The following NCAPD2 variants were observed in gnomAD, a reference collection of about 807,000 sequenced individuals.
NCAPD2 encodes non-SMC condensin I complex subunit D2, also known as condensin complex subunit 1.
In NCAPD2, 100 loss-of-function variants were observed where a neutral mutation model predicts 164.5. That is an observed-to-expected ratio of 0.61 (90% CI 0.52 to 0.72). The LOEUF is 0.72. NCAPD2 is among the 30% of genes least tolerant of loss of function. The pLI, the probability that NCAPD2 is intolerant of heterozygous loss-of-function variation, is 0.00. For missense variants in NCAPD2, 1,560 were observed against 1,749.2 expected (o/e 0.89, Z 1.93); for synonymous variants, 585 against 642.6 (o/e 0.91, Z 1.36).
At chr12:6,516,344 A>G (rs181169192) in intron 9 of NCAPD2, among the ~76,000 whole-genome samples, 17 of 151,416 alleles carry the variant, frequency 1.1e-4, no homozygotes, top group Non-Finnish European at 2.1e-4. Context: ...TCTACTAAAA[A>G]TACAAAAATT....
chr12:6,520,490 C>T (rs1946254551), intron 13 of NCAPD2, among the ~76,000 whole-genome samples: 1 of 151,874 alleles, frequency 6.6e-6, no homozygotes, highest in African/African-American at 2.4e-5. Context: ...ACCATCACAC[C>T]CGGCTAACTT....
At chr12:6,527,087 C>G (rs778853571) in intron 22 of NCAPD2, 24 bp downstream of exon 22, 6 of 1,582,820 alleles carry the variant, frequency 3.8e-6, no homozygotes, top group African/African-American at 1.3e-5. Flanking sequence ...CTCAGCACTT[C>G]CCAGATTTAT....
intron 2 of NCAPD2, among the ~76,000 whole-genome samples, chr12:6,496,385 C>G (rs1248820813): frequency 6.6e-6 from 1 of 152,006 alleles, no homozygotes; most frequent in Non-Finnish European, 1.5e-5. Flanking sequence ...CCTCTAATGT[C>G]CAGAAGTGGA....
rs1226297832 is a variant in NCAPD2 at position 6,517,593 on chromosome 12, T to C, written c.1321-3T>C. 6.2e-7 allele frequency: 1 copy of C among 1,614,248 alleles called. No individual in the cohort carries two copies. The highest frequency in any genetic ancestry group is 8.5e-7 in the Non-Finnish European group (1 of 1,180,050). ...TGACCCTGCTATTCATTTTACCTGATAGCTTAGTGATGCTGACCTTGCCGG... is the reference window on the plus strand; with the variant it reads ...TGACCCTGCTATTCATTTTACCTGACAGCTTAGTGATGCTGACCTTGCCGG... On this transcript the variant is annotated splice_polypyrimidine_tract_variant and splice_region_variant and intron_variant, in intron 11 of 31. Transcript: ENST00000315579.
chr12:6,517,366 C>T lies in NCAPD2; in HGVS notation c.1187C>T (p.Ala396Val), dbSNP rs756233720. The change falls in exon 11 of 32, where the codon GCT becomes GTT. Residue 396 changes from alanine (A) to valine (V), a missense_variant and splice_region_variant. By Grantham distance (64) the Ala-to-Val change is moderately conservative. Transcript: ENST00000315579. ...QLFTRIVQQK[A>V]LPLTRFQAVV... Reference sequence around the variant, plus strand: ...TTCTTCTCTTCCTACCCTACACAGGCTCTCCCCCTGACACGTTTCCAGGCA... The same window carrying T: ...TTCTTCTCTTCCTACCCTACACAGGTTCTCCCCCTGACACGTTTCCAGGCA... 3 of 1,613,888 alleles carry T rather than the reference C, an allele frequency of 1.9e-6. No individual in the cohort carries two copies. In the South Asian group the frequency reaches 3.3e-5, roughly 18 times the overall value.
chr12:6,526,193 G>A lies in NCAPD2; in HGVS notation c.2474G>A (p.Arg825Lys). 1.2e-6 allele frequency: 2 copies of A among 1,614,226 alleles called. No individual in the cohort carries two copies. Among genetic ancestry groups the A allele is most frequent in the South Asian group, 1.1e-5 (1 of 91,090 alleles). Residue 825 changes from arginine (R) to lysine (K), a missense_variant, in exon 19 of 32, where the codon AGG becomes AAG. Arg to Lys is a conservative substitution (Grantham distance 26). Coordinates refer to ENST00000315579, the MANE Select transcript of NCAPD2 (RefSeq NM_014865.4). ...CATGCCATTGCCAACATCTCGGACA[G>A]GAGAAAGGTATGTGGGGGTGGTTCC... is the stretch of plus-strand genomic sequence containing the variant. ...VCHAIANISD[R>K]RKPSLGKRHP...
In NCAPD2 at chr12:6,529,851, C is replaced by T. The variant is rs963949265; in HGVS notation, c.3730C>T (p.Leu1244Phe). The change falls in exon 29 of 32, where the codon CTT (leucine) becomes TTT (phenylalanine). Residue 1244 changes from leucine to phenylalanine, a missense_variant. Coordinates refer to ENST00000315579, the MANE Select transcript of NCAPD2 (RefSeq NM_014865.4). The stretch of plus-strand genomic sequence containing the variant: ...CACAGAGCGAGGCCTCCGTAAGATG[C>T]TTGACAATTTTGACTGTTTTGGAGA... ...PLTERGLRKM[L>F]DNFDCFGDKL... 1.2e-6 allele frequency: 2 copies of T among 1,614,142 alleles called. No homozygotes were observed. Among genetic ancestry groups the T allele is most frequent in the Non-Finnish European group, 1.7e-6 (2 of 1,180,056 alleles).
intron 2 of NCAPD2, among the ~76,000 whole-genome samples, chr12:6,502,860 T>C (rs569596157): frequency 6.6e-6 from 1 of 151,586 alleles, no homozygotes; most frequent in South Asian, 2.1e-4. Flanking sequence ...TTGTTGTTGC[T>C]TTTTTTTTGA....
At chr12:6,508,227 C>T (rs549575547) in intron 2 of NCAPD2, among the ~76,000 whole-genome samples, 14 of 152,050 alleles carry the variant, frequency 9.2e-5, no homozygotes, top group African/African-American at 3.4e-4. Flanking sequence ...GAGGCTGAGG[C>T]AGTAGGGAGT....
At chr12:6,513,715 C>CTTTTTTTTGTTTTTTTTTTTTTTT (rs1946172130) in intron 6 of NCAPD2, among the ~76,000 whole-genome samples, 1 of 74,892 alleles carries the variant, frequency 1.3e-5, no homozygotes, top group Non-Finnish European at 2.5e-5. Flanking sequence ...GTGACTTTGT[C>CTTTTTTTTGTTTTTTTTTTTTTTT]TTTTTTTTTT....
chr12:6,498,973 G>A (rs1946009196), intron 2 of NCAPD2, among the ~76,000 whole-genome samples: 1 of 151,976 alleles, frequency 6.6e-6, no homozygotes, highest in South Asian at 2.1e-4. Context: ...TGCACTTTGG[G>A]GCCATTATTA....
intron 2 of NCAPD2, among the ~76,000 whole-genome samples, chr12:6,508,544 T>C (rs909594981): frequency 6.6e-6 from 1 of 152,140 alleles, no homozygotes; most frequent in Non-Finnish European, 1.5e-5. Context: ...ATCGTTACAA[T>C]AGCATTCCCA....
intron 13 of NCAPD2, among the ~76,000 whole-genome samples, chr12:6,519,111 C>T (rs1018840622): frequency 2.0e-5 from 3 of 151,884 alleles, no homozygotes; most frequent in South Asian, 4.2e-4. Flanking sequence ...AGGATGGTCT[C>T]AATCTCCTGA....
intron 14 of NCAPD2, 44 bp from the exon 15 acceptor site, chr12:6,521,754 T>TA: frequency 6.2e-7 from 1 of 1,601,416 alleles, no homozygotes; most frequent in East Asian, 2.2e-5. Flanking sequence ...GATTCCCCTG[T>TA]ATCCCCTTGA....
At chr12:6,501,227 A>AATT (rs1946032082) in intron 2 of NCAPD2, among the ~76,000 whole-genome samples, 1 of 69,174 alleles carries the variant, frequency 1.4e-5, no homozygotes, top group Non-Finnish European at 2.4e-5. Flanking sequence ...CGCCTGGCTA[A>AATT]TTTTTTTTTT....
At chr12:6,500,534 G>A (rs896372495) in intron 2 of NCAPD2, among the ~76,000 whole-genome samples, 4 of 152,176 alleles carry the variant, frequency 2.6e-5, no homozygotes, top group Non-Finnish European at 5.9e-5. Context: ...CTAGAATCTT[G>A]CTCCTCAAAA....
intron 2 of NCAPD2, among the ~76,000 whole-genome samples, chr12:6,500,039 C>T (rs763059671): frequency 1.3e-5 from 2 of 152,080 alleles, no homozygotes; most frequent in Non-Finnish European, 2.9e-5. Flanking sequence ...GGGAGAATTG[C>T]TTGAGCCCAG....
chr12:6,515,353 T>C (rs1415435369), intron 9 of NCAPD2, among the ~76,000 whole-genome samples: 1 of 152,096 alleles, frequency 6.6e-6, no homozygotes, highest in Non-Finnish European at 1.5e-5. Flanking sequence ...CCTGGCTAAT[T>C]TTTTTAGTTT....
At chr12:6,511,030 T>G in intron 5 of NCAPD2, 80 bp from the exon 6 acceptor site, 1 of 1,480,458 alleles carries the variant, frequency 6.8e-7, no homozygotes, top group South Asian at 1.2e-5. Context: ...GGTACTAGAT[T>G]GTTTGGGCAC....
Sources: allele counts gnomAD v4.1 joint callset (sites outside exome capture counted in the v4.1 genomes callset), GRCh38; gene constraint gnomAD v4.1.1; transcripts MANE v1.5; gene names NCBI Gene and HGNC (gene_info 2026-07-23, HGNC 2026-07-21).